GRID2: variants seen among roughly 807,000 people sequenced by gnomAD.
The protein encoded by GRID2 is glutamate receptor ionotropic, delta-2.
In GRID2, 33 loss-of-function variants were observed where a neutral mutation model predicts 114.8. The ratio of observed to expected loss-of-function variants is 0.29; its 90% CI spans 0.22 to 0.38. GRID2 has a LOEUF of 0.38. Ranked by LOEUF, GRID2 falls within the 10% of genes least tolerant of loss-of-function variation. The pLI is 1.00. For synonymous variants in GRID2, 505 were observed against 449.9 expected (o/e 1.12, Z -1.55); for missense variants, 1,184 against 1,257.7 (o/e 0.94, Z 0.89).
chr4:93,219,931 G>T (rs116373745), intron 6 of GRID2, among the ~76,000 whole-genome samples: 1 of 152,112 alleles, frequency 6.6e-6, no homozygotes, highest in African/African-American at 2.4e-5. Flanking sequence ...AGCAAGAGTA[G>T]GGGCACTGCT....
intron 2 of GRID2, among the ~76,000 whole-genome samples, chr4:93,000,331 A>AT (rs1560783362): frequency 6.6e-6 from 1 of 151,664 alleles, no homozygotes; most frequent in Non-Finnish European, 1.5e-5. Context: ...CTGACATCAG[A>AT]TTTTCAAAAT....
intron 2 of GRID2, among the ~76,000 whole-genome samples, chr4:93,052,344 C>A (rs1726798782): frequency 2.0e-5 from 3 of 151,842 alleles, no homozygotes; most frequent in Admixed American, 6.6e-5. Context: ...TCATGTATCA[C>A]TTAATGATGG....
chr4:93,265,200 C>T (rs760697449), intron 8 of GRID2, among the ~76,000 whole-genome samples: 9 of 151,986 alleles, frequency 5.9e-5, no homozygotes, highest in African/African-American at 9.7e-5. Flanking sequence ...AAATCAGGAA[C>T]TGGAAAGATA....
intron 5 of GRID2, among the ~76,000 whole-genome samples, chr4:93,209,467 T>C (rs185543830): frequency 1.1e-3 from 171 of 152,286 alleles, no homozygotes; most frequent in African/African-American, 4.0e-3. Context: ...ACAATGTATA[T>C]GTGCCACATT....
At chr4:92,316,500 A>G (rs1331988771) in intron 1 of GRID2, among the ~76,000 whole-genome samples, 2 of 152,192 alleles carry the variant, frequency 1.3e-5, no homozygotes, top group African/African-American at 2.4e-5. Flanking sequence ...TTAGGGTTAC[A>G]TGAAACCATA....
intron 2 of GRID2, among the ~76,000 whole-genome samples, chr4:92,859,306 A>C (rs1206527684): frequency 6.6e-6 from 1 of 152,182 alleles, no homozygotes; most frequent in Non-Finnish European, 1.5e-5. Context: ...AGATATGTGC[A>C]TTTTGTAGAC....
chr4:92,409,160 G>A (rs1731177175), intron 1 of GRID2, among the ~76,000 whole-genome samples: 1 of 152,030 alleles, frequency 6.6e-6, no homozygotes, highest in Non-Finnish European at 1.5e-5. Context: ...CTAGTTGGTC[G>A]AGGGTTTTTA....
chr4:92,339,760 A>C (rs1287308091), intron 1 of GRID2, among the ~76,000 whole-genome samples: 1 of 152,160 alleles, frequency 6.6e-6, no homozygotes, highest in African/African-American at 2.4e-5. Flanking sequence ...TCTAGACTGC[A>C]CAAGATAATT....
intron 1 of GRID2, among the ~76,000 whole-genome samples, chr4:92,369,979 ACACTT>A (rs1729045027): frequency 2.0e-5 from 3 of 152,288 alleles, no homozygotes; most frequent in Admixed American, 1.3e-4. Context: ...TTGTTTTATT[ACACTT>A]CACTTTATTG....
At chr4:92,680,792 T>A (rs1283614905) in intron 2 of GRID2, among the ~76,000 whole-genome samples, 5 of 152,134 alleles carry the variant, frequency 3.3e-5, no homozygotes, top group Non-Finnish European at 5.9e-5. Context: ...GCATATGCAT[T>A]TGCAGCACAA....
intron 2 of GRID2, among the ~76,000 whole-genome samples, chr4:92,793,584 T>A (rs1395919999): frequency 6.6e-6 from 1 of 151,770 alleles, no homozygotes; most frequent in Non-Finnish European, 1.5e-5. Flanking sequence ...GAAGTAGGAA[T>A]GAATGTCTGT....
chr4:92,953,055 G>A (rs1752145045), intron 2 of GRID2, among the ~76,000 whole-genome samples: 1 of 152,080 alleles, frequency 6.6e-6, no homozygotes, highest in African/African-American at 2.4e-5. Context: ...TTCTCCCTGT[G>A]TGTGTGTCCA....
intron 2 of GRID2, among the ~76,000 whole-genome samples, chr4:92,835,191 T>TA (rs33949803): frequency 2.7e-4 from 39 of 146,966 alleles, no homozygotes; most frequent in East Asian, 2.0e-3. Context: ...CTGAAAGAGG[T>TA]AAAAAAAAAA....
intron 2 of GRID2, among the ~76,000 whole-genome samples, chr4:92,839,096 C>T (rs1352971226): frequency 6.6e-6 from 1 of 152,038 alleles, no homozygotes; most frequent in Admixed American, 6.6e-5. Context: ...ATAAGTCTTT[C>T]AAGCGAGCAT....
At chr4:93,018,781 A>G (rs1198581037) in intron 2 of GRID2, among the ~76,000 whole-genome samples, 2 of 152,082 alleles carry the variant, frequency 1.3e-5, no homozygotes, top group Non-Finnish European at 1.5e-5. Flanking sequence ...GCTTTCATCT[A>G]TTGTATCCAG....
chr4:93,403,634 A>G (rs200303533), intron 9 of GRID2, among the ~76,000 whole-genome samples: 4 of 152,194 alleles, frequency 2.6e-5, no homozygotes, highest in East Asian at 3.9e-4. Flanking sequence ...GATGCTCAGC[A>G]TAGTTTTCCA....
chr4:93,504,116 C>T (rs896265416), intron 12 of GRID2, among the ~76,000 whole-genome samples: 1 of 152,014 alleles, frequency 6.6e-6, no homozygotes, highest in South Asian at 2.1e-4. Context: ...TCTTTTATTT[C>T]CCACTATGAA....
intron 6 of GRID2, among the ~76,000 whole-genome samples, chr4:93,222,017 A>G (rs1361046365): frequency 6.6e-6 from 1 of 152,146 alleles, no homozygotes; most frequent in Non-Finnish European, 1.5e-5. Context: ...CGTCTGCCAA[A>G]CACACCTAGC....
intron 1 of GRID2, among the ~76,000 whole-genome samples, chr4:92,442,697 C>A (rs1435989672): frequency 6.6e-6 from 1 of 151,576 alleles, no homozygotes; most frequent in East Asian, 1.9e-4. Flanking sequence ...GGCCTTTTGA[C>A]CTTTTAGGGT....
Sources: gnomAD v4.1 joint callset for allele counts (sites outside exome capture counted in the v4.1 genomes callset) on GRCh38, gnomAD v4.1.1 for gene constraint, MANE v1.5 for transcripts, NCBI Gene and HGNC (gene_info 2026-07-23, HGNC 2026-07-21) for gene names.